The following CPM variants were observed in gnomAD, a reference collection of about 807,000 sequenced individuals.
CPM encodes the protein renal carboxypeptidase.
In CPM, 35 loss-of-function variants were observed where a neutral mutation model predicts 46.4. The observed-to-expected ratio is 0.75, with a 90% CI of 0.58 to 1.00. The LOEUF (loss-of-function observed/expected upper bound fraction) is 1.00. CPM is among the 50% of genes least tolerant of loss of function. The probability of loss-of-function intolerance (pLI) is 0.00; values close to 1 mark genes in which losing one functional copy is unlikely to be tolerated. For missense variants in CPM, 422 were observed against 530.4 expected (o/e 0.80, Z 2.01); for synonymous variants, 195 against 195.3 (o/e 1.00, Z 0.01).
intron 1 of CPM, among the ~76,000 whole-genome samples, chr12:68,949,242 A>G (rs1353113042): frequency 6.6e-6 from 1 of 152,178 alleles, no homozygotes; most frequent in East Asian, 1.9e-4. Flanking sequence ...ATGGTGGCAC[A>G]CACCTGTGGT....
At chr12:68,871,698 TCTC>T (rs1297340968) in intron 4 of CPM, 83 bp downstream of exon 4, 11 of 1,421,164 alleles carry the variant, frequency 7.7e-6, no homozygotes, top group Middle Eastern at 1.8e-4. Context: ...CCATGACACA[TCTC>T]CTCTTGCCAA....
At chr12:68,866,507 C>A (rs1885453620) in intron 7 of CPM, among the ~76,000 whole-genome samples, 1 of 152,158 alleles carries the variant, frequency 6.6e-6, no homozygotes, top group Non-Finnish European at 1.5e-5. Context: ...CCACGCCTGG[C>A]TAATTTTTGT....
chr12:68,869,582 A>G, intron 5 of CPM, 87 bp from the exon 6 acceptor site: 2 of 1,177,150 alleles, frequency 1.7e-6, no homozygotes, highest in Non-Finnish European at 2.4e-6. Context: ...ACATAATCGC[A>G]TCACACACAC....
At chr12:68,846,746 T>C (rs899744170), downstream of CPM, 1 of 152,156 alleles carries the variant, frequency 6.6e-6, no homozygotes, top group East Asian at 1.9e-4. Flanking sequence ...TTTCAAACCT[T>C]TTTTGCTTAA....
At chr12:68,873,725 T>C (rs149349459) in intron 3 of CPM, among the ~76,000 whole-genome samples, 144 of 151,566 alleles carry the variant, frequency 9.5e-4, no homozygotes, top group African/African-American at 3.3e-3. Flanking sequence ...TATAGATTCA[T>C]AGGCAACCAT....
At chr12:68,879,252 C>T (rs780056843) in intron 3 of CPM, among the ~76,000 whole-genome samples, 1 of 152,228 alleles carries the variant, frequency 6.6e-6, no homozygotes, top group African/African-American at 2.4e-5. Flanking sequence ...GTTACTCCTA[C>T]AGTACAGTAT....
At chr12:68,955,807 T>C (rs1363200168) in intron 1 of CPM, among the ~76,000 whole-genome samples, 1 of 152,142 alleles carries the variant, frequency 6.6e-6, no homozygotes, top group Non-Finnish European at 1.5e-5. Context: ...TGGCTGAGTC[T>C]GGGGTTTATA....
At chr12:68,922,688 T>C (rs1888087262) in intron 2 of CPM, among the ~76,000 whole-genome samples, 1 of 151,308 alleles carries the variant, frequency 6.6e-6, no homozygotes, top group Admixed American at 6.6e-5. Context: ...GGTATGTATG[T>C]GAAAGGTCAC....
chr12:68,895,088 G>C (rs1152930), intron 2 of CPM, among the ~76,000 whole-genome samples: 5,447 of 142,972 alleles, frequency 0.038, 339 homozygotes, highest in African/African-American at 0.13. Context: ...TAAAAATATT[G>C]TCATATTTTC....
intron 7 of CPM, among the ~76,000 whole-genome samples, chr12:68,860,346 TAC>T (rs1885154981): frequency 1.3e-5 from 2 of 152,224 alleles, no homozygotes; most frequent in African/African-American, 4.8e-5. Context: ...TACTGCTTGA[TAC>T]ATATCCTTTT....
intron 2 of CPM, among the ~76,000 whole-genome samples, chr12:68,894,216 C>T (rs1007332203): frequency 6.6e-6 from 1 of 152,152 alleles, no homozygotes; most frequent in African/African-American, 2.4e-5. Flanking sequence ...ATCTGTCTCA[C>T]CAAAATGTAA....
chr12:68,933,014 C>A, intron 1 of CPM, 128 bp downstream of exon 1: 1 of 563,494 alleles, frequency 1.8e-6, no homozygotes. Context: ...CAACCAGAGA[C>A]CGGGAGCACG....
Position 68,932,847 on chromosome 12 carries a change from A to C in CPM, c.-3-7T>G, listed in dbSNP as rs755812714. On this transcript the variant is annotated splice_polypyrimidine_tract_variant and splice_region_variant and intron_variant, in intron 1 of 8. Transcript: ENST00000551568. ...GGCACGGGAAGTCCATGTTCTAGAGATGAATAAAAATAAGAAGAACCTGAG... is the reference window on the plus strand; with the variant it reads ...GGCACGGGAAGTCCATGTTCTAGAGCTGAATAAAAATAAGAAGAACCTGAG... 6.2e-7 allele frequency: 1 copy of C among 1,613,022 alleles called. No homozygotes were observed. Among genetic ancestry groups the C allele is most frequent in the Admixed American group, 1.7e-5 (1 of 59,796 alleles).
intron 2 of CPM, among the ~76,000 whole-genome samples, chr12:68,904,316 G>A (rs902424867): frequency 6.6e-6 from 1 of 152,200 alleles, no homozygotes; most frequent in African/African-American, 2.4e-5. Context: ...ATGGACTGAT[G>A]TATCCCTAGC....
rs542676191 is a variant in CPM at position 68,855,458 on chromosome 12, T to G, written c.*979A>C. The G allele has an allele frequency of 1.3e-5, 2 of 152,294 alleles. No individual in the cohort carries two copies. Among genetic ancestry groups the G allele is most frequent in the Admixed American group, 6.5e-5 (1 of 15,274 alleles). The allele number at this position is 152,294 out of a possible 1,614,324, so 9.4% of individuals were successfully genotyped here. ...CTAATGGAGGACTGTGGCATCCAGGTGCCAAAAGCTAGGGAAACGGCTCTG... is the reference window on the plus strand; with the variant it reads ...CTAATGGAGGACTGTGGCATCCAGGGGCCAAAAGCTAGGGAAACGGCTCTG... On this transcript the variant is annotated 3_prime_UTR_variant, in exon 9 of 9. Transcript: ENST00000551568.
chr12:68,955,825 T>A (rs956323342), intron 1 of CPM, among the ~76,000 whole-genome samples: 1 of 152,090 alleles, frequency 6.6e-6, no homozygotes, highest in African/African-American at 2.4e-5. Flanking sequence ...ATACAGGCTT[T>A]AGAGGGGAGA....
chr12:68,911,775 T>C (rs1019711321), intron 2 of CPM: 6 of 152,236 alleles, frequency 3.9e-5, no homozygotes, highest in African/African-American at 1.2e-4. Context: ...CTATTATTTC[T>C]ATTTTACAAA....
intron 7 of CPM, among the ~76,000 whole-genome samples, chr12:68,866,417 G>A (rs1216203398): frequency 1.3e-5 from 2 of 152,102 alleles, no homozygotes; most frequent in African/African-American, 4.8e-5. Context: ...CCTTGGCGGA[G>A]GGAGCAACTT....
chr12:68,916,956 T>G (rs76218877), intron 2 of CPM, among the ~76,000 whole-genome samples: 1 of 148,344 alleles, frequency 6.7e-6, no homozygotes, highest in Non-Finnish European at 1.5e-5. Context: ...AACTGTAAAA[T>G]TATCAGAAAT....
Sources: gnomAD v4.1 joint callset for allele counts (sites outside exome capture counted in the v4.1 genomes callset) on GRCh38, gnomAD v4.1.1 for gene constraint, MANE v1.5 for transcripts, NCBI Gene and HGNC (gene_info 2026-07-23, HGNC 2026-07-21) for gene names.